Variants in ZNF678 observed in about 807,000 individuals in gnomAD.
The protein encoded by ZNF678 is hypothetical protein MGC42493.
ZNF678 carries 5 observed loss-of-function variants against 3.0 expected under a neutral mutation model. That is an observed-to-expected ratio of 1.69 (90% confidence interval 0.88 to 3.56). ZNF678 has a LOEUF of 3.56. ZNF678 is among the 30% of genes most tolerant of loss of function. The pLI, the probability that ZNF678 is intolerant of heterozygous loss-of-function variation, is 0.00. For missense variants in ZNF678, 593 were observed against 605.0 expected, an observed-to-expected ratio of 0.98 and a Z score of 0.21; for synonymous variants, 218 against 199.6, an observed-to-expected ratio of 1.09 and a Z score of -0.78.
At chr1:227,653,393 T>G (rs1446913047) in intron 3 of ZNF678, among the ~76,000 whole-genome samples, 1 of 152,128 alleles carries the variant, frequency 6.6e-6, no homozygotes, top group Non-Finnish European at 1.5e-5. Context: ...TTTAGTTGTC[T>G]TCATTCCCAT....
At chr1:227,574,176 C>T (rs1312804482) in intron 1 of ZNF678, among the ~76,000 whole-genome samples, 2 of 152,100 alleles carry the variant, frequency 1.3e-5, no homozygotes, top group Non-Finnish European at 2.9e-5. Flanking sequence ...TATATTCCTT[C>T]AGGTAATACC....
At chr1:227,623,185 C>T (rs755259519) in intron 1 of ZNF678, among the ~76,000 whole-genome samples, 14 of 152,216 alleles carry the variant, frequency 9.2e-5, no homozygotes, top group Non-Finnish European at 1.6e-4. Flanking sequence ...GTGTACTTCA[C>T]CACTATATTC....
chr1:227,633,537 A>T (rs756409640), intron 1 of ZNF678, among the ~76,000 whole-genome samples: 4 of 152,184 alleles, frequency 2.6e-5, no homozygotes, highest in Non-Finnish European at 4.4e-5. Context: ...CGGCCTAGGA[A>T]ATCCAGCTAA....
downstream of ZNF678, among the ~76,000 whole-genome samples, chr1:227,664,748 G>A (rs531900245): frequency 4.0e-5 from 6 of 151,808 alleles, no homozygotes; most frequent in South Asian, 1.3e-3. Context: ...AATTATCTTG[G>A]GGTCTGTCAC....
At chr1:227,647,088 A>G (rs1658978753) in intron 2 of ZNF678, among the ~76,000 whole-genome samples, 1 of 146,206 alleles carries the variant, frequency 6.8e-6, no homozygotes, top group Non-Finnish European at 1.5e-5. Flanking sequence ...CCCCATTTCT[A>G]CTAAAAATAC....
chr1:227,599,377 C>T (rs1224243529), intron 1 of ZNF678, among the ~76,000 whole-genome samples: 3 of 152,192 alleles, frequency 2.0e-5, no homozygotes, highest in South Asian at 2.1e-4. Context: ...AGCAGGCCCA[C>T]TGCAGGTCCT....
intron 1 of ZNF678, among the ~76,000 whole-genome samples, chr1:227,596,852 A>T (rs1050012212): frequency 6.6e-6 from 1 of 152,262 alleles, no homozygotes; most frequent in Non-Finnish European, 1.5e-5. Context: ...AACAGGCTGA[A>T]TAAATAGCTA....
intron 1 of ZNF678, among the ~76,000 whole-genome samples, chr1:227,636,033 A>G (rs1388085147): frequency 6.6e-6 from 1 of 152,198 alleles, no homozygotes; most frequent in African/African-American, 2.4e-5. Flanking sequence ...GATGGTATCC[A>G]TCGTGTCGTT....
intron 1 of ZNF678, among the ~76,000 whole-genome samples, chr1:227,616,754 G>A (rs571742211): frequency 6.6e-6 from 1 of 152,236 alleles, no homozygotes; most frequent in Admixed American, 6.5e-5. Context: ...ATTTTTTGGT[G>A]GTGCATTCAT....
At chr1:227,576,042 A>C (rs1485220256) in intron 1 of ZNF678, among the ~76,000 whole-genome samples, 1 of 152,184 alleles carries the variant, frequency 6.6e-6, no homozygotes, top group Non-Finnish European at 1.5e-5. Context: ...GTGATAGATC[A>C]CATTTGTTGA....
intron 1 of ZNF678, among the ~76,000 whole-genome samples, chr1:227,636,748 T>C (rs565263914): frequency 1.3e-5 from 2 of 152,274 alleles, no homozygotes; most frequent in South Asian, 4.1e-4. Flanking sequence ...AGCTTGACCC[T>C]GGTGCAGTAG....
At chr1:227,610,168 T>C (rs186784620) in intron 1 of ZNF678, among the ~76,000 whole-genome samples, 132 of 152,344 alleles carry the variant, frequency 8.7e-4, no homozygotes, top group Admixed American at 2.5e-3. Flanking sequence ...AAATGGAGAC[T>C]GTCCCCTAAA....
chr1:227,638,265 A>G lies in ZNF678; in HGVS notation c.-163-8279A>G, dbSNP rs1658731340. The stretch of plus-strand genomic sequence containing the variant: ...TGTTTAGAATAGAAAAATGGGTGGT[A>G]TTGGAGGGAATTGCGGAAAGTGAAG... On this transcript the variant is annotated intron_variant, in intron 1 of 3. Coordinates refer to ENST00000343776, the MANE Select transcript of ZNF678 (RefSeq NM_001367909.1). This position sits in a 1 kb window ranked among gnomAD's most constrained non-coding sequence, Gnocchi z 4.2. Among the ~76,000 whole-genome samples, 2 of 152,178 alleles carry G rather than the reference A, an allele frequency of 1.3e-5. No individual in the cohort carries two copies. Among genetic ancestry groups the G allele is most frequent in the Admixed American group, 1.3e-4 (2 of 15,284 alleles).
chr1:227,670,531 G>A (rs1219945714), intron 5 of ZNF678, among the ~76,000 whole-genome samples: 1 of 152,192 alleles, frequency 6.6e-6, no homozygotes, highest in Non-Finnish European at 1.5e-5. Flanking sequence ...CTGCCTGGCT[G>A]AGGGCTTTTT....
chr1:227,620,482 T>A (rs1658254534), intron 1 of ZNF678, among the ~76,000 whole-genome samples: 1 of 152,208 alleles, frequency 6.6e-6, no homozygotes, highest in Non-Finnish European at 1.5e-5. Context: ...GTTTCACGTC[T>A]GTTTTATTAT....
chr1:227,592,446 A>G (rs1404941555), intron 1 of ZNF678, among the ~76,000 whole-genome samples: 1 of 152,242 alleles, frequency 6.6e-6, no homozygotes, highest in East Asian at 1.9e-4. Context: ...CCAGGGCCCT[A>G]CAGTCTGGGT....
At chr1:227,579,524 T>A (rs891436337) in intron 1 of ZNF678, among the ~76,000 whole-genome samples, 1 of 152,092 alleles carries the variant, frequency 6.6e-6, no homozygotes, top group Non-Finnish European at 1.5e-5. Context: ...AAGTAAAACC[T>A]GCCCATATAG....
chr1:227,637,722 A>G (rs1658715203), intron 1 of ZNF678, among the ~76,000 whole-genome samples: 1 of 152,184 alleles, frequency 6.6e-6, no homozygotes, highest in Non-Finnish European at 1.5e-5. Flanking sequence ...GCAGCTTCGT[A>G]TAACGGTTTG....
At position 227,659,174 on chromosome 1, in the gene ZNF678, G is replaced by T. The variant is rs1236639558; in HGVS notation, c.*3346G>T. Reference sequence around the variant, plus strand: ...TTAATTTAAATTTCTAAATGCTTCTGTGGATTTAAATTTTGGAATAATCTT... The same window carrying T: ...TTAATTTAAATTTCTAAATGCTTCTTTGGATTTAAATTTTGGAATAATCTT... On this transcript the variant is annotated 3_prime_UTR_variant, in exon 4 of 4. Transcript: ENST00000343776. 3.3e-5 allele frequency: 5 copies of T among 151,876 alleles called. No individual in the cohort carries two copies. Among genetic ancestry groups the T allele is most frequent in the Non-Finnish European group, 5.9e-5 (4 of 67,952 alleles). The allele number at this position is 151,876 out of a possible 1,614,324, so 9.4% of individuals were successfully genotyped here. A position where few individuals can be genotyped will look rare whatever the true frequency, so the allele number is the denominator to read the frequency against.
Sources: allele counts gnomAD v4.1 joint callset (sites outside exome capture counted in the v4.1 genomes callset), GRCh38; gene constraint gnomAD v4.1.1; non-coding constraint Gnocchi (gnomAD v3.1); transcripts MANE v1.5; gene names NCBI Gene and HGNC (gene_info 2026-07-23, HGNC 2026-07-21).